MTUS2: variants seen among roughly 807,000 people sequenced by gnomAD.
The protein encoded by MTUS2 is microtubule associated scaffold protein 2.
Under a neutral mutation model 114.1 loss-of-function variants are expected in MTUS2, and 40 were observed. That is an observed-to-expected ratio of 0.35 (90% CI 0.27 to 0.46). The LOEUF (loss-of-function observed/expected upper bound fraction) is 0.46, where lower values mean the gene tolerates loss of function less well. MTUS2 is among the 20% of genes least tolerant of loss of function. MTUS2 has a pLI of 1.00. For synonymous variants in MTUS2, 688 were observed against 672.0 expected, an observed-to-expected ratio of 1.02 and a Z score of -0.37; for missense variants, 1,679 against 1,705.4, an observed-to-expected ratio of 0.98 and a Z score of 0.27.
intron 5 of MTUS2, among the ~76,000 whole-genome samples, chr13:29,254,250 G>A (rs945463771): frequency 4.6e-5 from 7 of 152,164 alleles, no homozygotes; most frequent in African/African-American, 1.4e-4. Flanking sequence ...CTTACATTCT[G>A]TCCTGAGGCA....
chr13:29,407,447 CTTATTTATTTATTTATTTAT>C (rs199911224), intron 8 of MTUS2, among the ~76,000 whole-genome samples: 3 of 139,342 alleles, frequency 2.2e-5, no homozygotes, highest in African/African-American at 7.9e-5. Context: ...AGTGATTGTA[CTTATTTATTTATTTATTTAT>C]TTATTTATTT....
At chr13:29,128,137 A>C (rs1891597785) in intron 5 of MTUS2, among the ~76,000 whole-genome samples, 3 of 152,220 alleles carry the variant, frequency 2.0e-5, no homozygotes, top group African/African-American at 7.2e-5. Flanking sequence ...CAGGTGGGAC[A>C]GACAGACAGA....
At chr13:28,929,139 T>C (rs1317154210) in intron 2 of MTUS2, among the ~76,000 whole-genome samples, 2 of 151,824 alleles carry the variant, frequency 1.3e-5, no homozygotes, top group Admixed American at 1.3e-4. Context: ...AAATAGTAGA[T>C]TGGTGGTTAA....
chr13:29,009,134 C>G (rs1885727994), intron 2 of MTUS2, among the ~76,000 whole-genome samples: 1 of 151,298 alleles, frequency 6.6e-6, no homozygotes, highest in African/African-American at 2.4e-5. Context: ...CTATTTATTC[C>G]CTGTCTCTTT....
At chr13:29,072,290 A>G (rs1466501004) in intron 4 of MTUS2, 1 of 152,046 alleles carries the variant, frequency 6.6e-6, no homozygotes, top group African/African-American at 2.4e-5. Flanking sequence ...CAATTGAATT[A>G]CTCTCATTTT....
intron 4 of MTUS2, among the ~76,000 whole-genome samples, chr13:29,093,669 A>G (rs963003892): frequency 1.3e-5 from 2 of 151,952 alleles, no homozygotes; most frequent in Admixed American, 1.3e-4. Context: ...ATTTCTTGGG[A>G]TTTTCTATAT....
In MTUS2 at chr13:29,113,408, G is replaced by T. The variant is rs187233943; in HGVS notation, c.2644+12438G>T. ...TACTATAGTCAAATTGCCAAGAAAG[G>T]CATTTTCTTATTGCTGGTTTGTAAT... On this transcript the variant is annotated intron_variant, in intron 5 of 15. Coordinates refer to ENST00000612955, the MANE Select transcript of MTUS2 (RefSeq NM_001033602.4). Among the ~76,000 whole-genome samples, 5 of 152,266 alleles carry T rather than the reference G, an allele frequency of 3.3e-5. No individual in the cohort carries two copies. The East Asian group carries it at 9.7e-4, about 29-fold the overall frequency.
intron 2 of MTUS2, among the ~76,000 whole-genome samples, chr13:28,886,245 G>T (rs1878585335): frequency 6.6e-6 from 1 of 152,188 alleles, no homozygotes; most frequent in African/African-American, 2.4e-5. Flanking sequence ...GAGCAGAGGA[G>T]TGCTGTCATC....
chr13:29,307,461 C>T (rs1899527853), intron 6 of MTUS2: 7 of 1,333,720 alleles, frequency 5.2e-6, no homozygotes, highest in Non-Finnish European at 5.3e-6. Context: ...ATGGGAAGCT[C>T]ACTGGCATGG....
chr13:28,910,252 G>C (rs1436499707), intron 2 of MTUS2, among the ~76,000 whole-genome samples: 1 of 151,894 alleles, frequency 6.6e-6, no homozygotes, highest in East Asian at 1.9e-4. Flanking sequence ...TTGATTTTTA[G>C]CTCCCACAAA....
At chr13:28,955,720 A>G (rs751973944) in intron 2 of MTUS2, among the ~76,000 whole-genome samples, 3 of 151,868 alleles carry the variant, frequency 2.0e-5, no homozygotes, top group African/African-American at 7.3e-5. Flanking sequence ...TGAGGTTGAC[A>G]CTTTATCACT....
At chr13:29,331,473 A>T (rs1427807465) in intron 7 of MTUS2, among the ~76,000 whole-genome samples, 2 of 152,170 alleles carry the variant, frequency 1.3e-5, no homozygotes, top group East Asian at 3.9e-4. Flanking sequence ...TCCAAATTTC[A>T]TATGGAACCA....
chr13:29,100,995 G>T, intron 5 of MTUS2, 25 bp downstream of exon 5: 1 of 1,513,184 alleles, frequency 6.6e-7, no homozygotes, highest in Non-Finnish European at 8.9e-7. Context: ...GCAGGGTGGG[G>T]TGCCTTCACT....
At chr13:28,822,377 C>T (rs999467885) in intron 1 of MTUS2, among the ~76,000 whole-genome samples, 1 of 152,150 alleles carries the variant, frequency 6.6e-6, no homozygotes, top group Non-Finnish European at 1.5e-5. Context: ...CTCCGGCATA[C>T]GCACTTTTAT....
At chr13:29,439,901 T>A (rs746690646) in intron 8 of MTUS2, 82 bp from the exon 9 acceptor site, 1 of 1,059,670 alleles carries the variant, frequency 9.4e-7, no homozygotes, top group Admixed American at 2.0e-5. Context: ...ATTTGCTTAA[T>A]ACGATTCATT....
chr13:29,181,814 G>C (rs1200286673), intron 5 of MTUS2, among the ~76,000 whole-genome samples: 3 of 151,828 alleles, frequency 2.0e-5, no homozygotes, highest in Non-Finnish European at 2.9e-5. Context: ...GTGTGTGTGT[G>C]TGTGTGTGTA....
At chr13:29,300,086 CCATTTATCTT>C (rs1190301339) in intron 6 of MTUS2, among the ~76,000 whole-genome samples, 1 of 152,140 alleles carries the variant, frequency 6.6e-6, no homozygotes, top group Non-Finnish European at 1.5e-5. Flanking sequence ...GGGAAAAGAT[CCATTTATCTT>C]TCTCTGCTAT....
intron 4 of MTUS2, among the ~76,000 whole-genome samples, chr13:29,075,243 C>T (rs896419986): frequency 2.6e-5 from 4 of 152,172 alleles, no homozygotes; most frequent in South Asian, 2.1e-4. Flanking sequence ...AGAGACACAA[C>T]GGGAGGCACA....
At chr13:29,154,542 A>G (rs970680244) in intron 5 of MTUS2, among the ~76,000 whole-genome samples, 10 of 152,230 alleles carry the variant, frequency 6.6e-5, no homozygotes, top group African/African-American at 2.2e-4. Context: ...GACTTTTGCA[A>G]TGATAGTGCA....
Sources: gnomAD v4.1 joint callset for allele counts (sites outside exome capture counted in the v4.1 genomes callset) on GRCh38, gnomAD v4.1.1 for gene constraint, MANE v1.5 for transcripts, NCBI Gene and HGNC (gene_info 2026-07-23, HGNC 2026-07-21) for gene names.